NDUFA10: variants seen among roughly 807,000 people sequenced by gnomAD.
The protein encoded by NDUFA10 is NADH:ubiquinone oxidoreductase subunit A10, also known as NADH dehydrogenase [ubiquinone] 1 alpha subcomplex subunit 10, mitochondrial.
NDUFA10 carries 40 observed loss-of-function variants against 47.8 expected under a neutral mutation model. That is an observed-to-expected ratio of 0.84 (90% CI 0.65 to 1.09). The LOEUF (loss-of-function observed/expected upper bound fraction) is 1.09. NDUFA10 is among the 50% of genes least tolerant of loss of function. NDUFA10 has a pLI of 0.00. For synonymous variants in NDUFA10, 183 were observed against 172.2 expected (o/e 1.06, Z -0.49); for missense variants, 413 against 451.1 (o/e 0.92, Z 0.76).
At position 239,910,740 on chromosome 2, in the gene NDUFA10, A is replaced by T. The variant is rs145643744; in HGVS notation, c.295-15426T>A. On this transcript the variant is annotated intron_variant, in intron 4 of 5. Transcript: ENST00000419408. Reference sequence around the variant, plus strand: ...AAAATGAAAGTGGAAGAAAAAAATAATAATCATGTGACCGAGATGACCATT... The same window carrying T: ...AAAATGAAAGTGGAAGAAAAAAATATTAATCATGTGACCGAGATGACCATT... 3.7e-3 allele frequency among the ~76,000 whole-genome samples: 557 copies of T among 152,332 alleles called. 5 individuals carry two copies. The highest frequency in any genetic ancestry group is 0.013 in the African/African-American group (528 of 41,576).
chr2:239,969,652 A>G (rs1444435007), intron 9 of NDUFA10: 1 of 471,148 alleles, frequency 2.1e-6, no homozygotes, highest in East Asian at 6.9e-5. Context: ...CGCAAGGAAG[A>G]GCAAAGGCTC....
chr2:239,944,087 G>T (rs1415414281), intron 4 of NDUFA10, among the ~76,000 whole-genome samples: 1 of 152,158 alleles, frequency 6.6e-6, no homozygotes. Flanking sequence ...TCCTCCTCCA[G>T]GTGCAGGGCA....
At chr2:239,949,039 C>A (rs1239502564) in intron 4 of NDUFA10, among the ~76,000 whole-genome samples, 1 of 152,228 alleles carries the variant, frequency 6.6e-6, no homozygotes, top group Admixed American at 6.5e-5. Flanking sequence ...GCCTTGCAGG[C>A]TTTCTCATTG....
chr2:239,956,441 C>T (rs1694655012), downstream of NDUFA10, among the ~76,000 whole-genome samples: 3 of 152,188 alleles, frequency 2.0e-5, no homozygotes, highest in South Asian at 4.1e-4. Context: ...CCTCTTACAA[C>T]GTCTAAAACA....
At chr2:239,899,742 T>C (rs552509191) in intron 4 of NDUFA10, among the ~76,000 whole-genome samples, 1 of 151,318 alleles carries the variant, frequency 6.6e-6, no homozygotes. Context: ...CTTAAGGGAG[T>C]GAGAGGCTGA....
chr2:240,015,854 T>C (rs749194182), intron 4 of NDUFA10, among the ~76,000 whole-genome samples: 58 of 152,276 alleles, frequency 3.8e-4, no homozygotes, highest in Non-Finnish European at 7.1e-4. Context: ...AAGACAACTA[T>C]TTTGCTTTAA....
chr2:239,944,885 A>T (rs1694419318), intron 4 of NDUFA10, among the ~76,000 whole-genome samples: 2 of 152,268 alleles, frequency 1.3e-5, no homozygotes, highest in African/African-American at 4.8e-5. Context: ...CACCATCCGC[A>T]ATAGAAGGCA....
intron 4 of NDUFA10, 155 bp downstream of exon 4, chr2:240,018,398 G>A: frequency 6.5e-7 from 1 of 1,545,982 alleles, no homozygotes; most frequent in Non-Finnish European, 8.7e-7. Context: ...AAGATACTTA[G>A]GAAGTTCCTT....
chr2:239,994,741 CAA>C (rs2106451557), intron 8 of NDUFA10, among the ~76,000 whole-genome samples: 1 of 152,010 alleles, frequency 6.6e-6, no homozygotes, highest in Admixed American at 6.6e-5. Context: ...TTTTTTAAAG[CAA>C]AGTTTTGAAT....
intron 4 of NDUFA10, among the ~76,000 whole-genome samples, chr2:239,923,208 A>G (rs1045956807): frequency 6.6e-6 from 1 of 152,204 alleles, no homozygotes; most frequent in Non-Finnish European, 1.5e-5. Flanking sequence ...CAAATCCACA[A>G]ATAAACTTGT....
downstream of NDUFA10, among the ~76,000 whole-genome samples, chr2:239,956,503 C>T (rs544066105): frequency 4.6e-5 from 7 of 152,196 alleles, no homozygotes; most frequent in Non-Finnish European, 8.8e-5. Flanking sequence ...AAGGGCTGTG[C>T]GCTGCCTGCT....
At chr2:239,979,899 A>T (rs184927355) in intron 9 of NDUFA10, among the ~76,000 whole-genome samples, 20 of 151,860 alleles carry the variant, frequency 1.3e-4, no homozygotes, top group Non-Finnish European at 2.6e-4. Flanking sequence ...CCCGCATCAC[A>T]CCTCACCATG....
At chr2:239,948,898 C>G (rs1004478704) in intron 4 of NDUFA10, among the ~76,000 whole-genome samples, 1 of 152,202 alleles carries the variant, frequency 6.6e-6, no homozygotes, top group African/African-American at 2.4e-5. Context: ...AAAGATAAAG[C>G]GTGCAGGAGT....
intron 9 of NDUFA10, among the ~76,000 whole-genome samples, chr2:239,967,975 A>ACACACACAC (rs1559330888): frequency 4.8e-5 from 2 of 42,086 alleles, no homozygotes; most frequent in East Asian, 9.6e-4. Context: ...CAAGGAAAAA[A>ACACACACAC]ATATACACAC....
intron 8 of NDUFA10, among the ~76,000 whole-genome samples, chr2:240,000,062 C>T (rs1574868886): frequency 6.6e-6 from 1 of 152,216 alleles, no homozygotes; most frequent in African/African-American, 2.4e-5. Flanking sequence ...GTGGAAGAGT[C>T]CAGCACATAC....
At chr2:239,933,070 C>T (rs1694205378) in intron 4 of NDUFA10, among the ~76,000 whole-genome samples, 1 of 152,108 alleles carries the variant, frequency 6.6e-6, no homozygotes, top group African/African-American at 2.4e-5. Context: ...GGGATGGGGG[C>T]ATCTCAGCAC....
intron 4 of NDUFA10, among the ~76,000 whole-genome samples, chr2:239,938,166 C>A (rs1006153117): frequency 6.6e-6 from 1 of 152,208 alleles, no homozygotes; most frequent in Non-Finnish European, 1.5e-5. Flanking sequence ...ACAGCTCCCC[C>A]ATCTGTCAGG....
At chr2:239,965,442 C>A (rs1184412332) in intron 9 of NDUFA10, among the ~76,000 whole-genome samples, 1 of 152,216 alleles carries the variant, frequency 6.6e-6, no homozygotes, top group African/African-American at 2.4e-5. Flanking sequence ...GCTCATTCAT[C>A]ACATGAGAAA....
intron 4 of NDUFA10, among the ~76,000 whole-genome samples, chr2:239,939,359 G>A (rs575804655): frequency 4.6e-5 from 7 of 152,318 alleles, no homozygotes; most frequent in East Asian, 3.9e-4. Context: ...AGTGGAACTC[G>A]CGGAGAGAGA....
Sources: allele counts gnomAD v4.1 joint callset (sites outside exome capture counted in the v4.1 genomes callset), GRCh38; gene constraint gnomAD v4.1.1; transcripts MANE v1.5; gene names NCBI Gene and HGNC (gene_info 2026-07-23, HGNC 2026-07-21).